FHIP1A: variants seen among roughly 807,000 people sequenced by gnomAD.
FHIP1A encodes the protein FHF complex subunit HOOK-interacting protein 1A.
A neutral mutation model predicts 88.6 loss-of-function variants in FHIP1A; 61 were observed. The ratio of observed to expected loss-of-function variants is 0.69; its 90% CI spans 0.56 to 0.85. FHIP1A has a LOEUF of 0.85. Ranked by LOEUF, FHIP1A falls within the 40% of genes least tolerant of loss-of-function variation. FHIP1A has a pLI of 0.00. For missense variants in FHIP1A, 1,154 were observed against 1,273.5 expected, an observed-to-expected ratio of 0.91 and a Z score of 1.43; for synonymous variants, 478 against 496.0, an observed-to-expected ratio of 0.96 and a Z score of 0.48.
intron 1 of FHIP1A, among the ~76,000 whole-genome samples, chr4:151,432,766 G>GT (rs1733641206): frequency 6.6e-6 from 1 of 152,148 alleles, no homozygotes; most frequent in Non-Finnish European, 1.5e-5. Context: ...TCAGAAGTGT[G>GT]TTTAGGATGG....
intron 3 of FHIP1A, among the ~76,000 whole-genome samples, chr4:151,558,024 A>G (rs772690351): frequency 7.9e-5 from 12 of 152,196 alleles, no homozygotes; most frequent in Non-Finnish European, 1.5e-4. Context: ...ATTCAGGGGT[A>G]AACAATCTTG....
intron 3 of FHIP1A, among the ~76,000 whole-genome samples, chr4:151,528,816 T>C (rs1322763229): frequency 6.6e-6 from 1 of 152,158 alleles, no homozygotes; most frequent in Non-Finnish European, 1.5e-5. Context: ...TCTTAAGAAG[T>C]GTTAGAATAA....
chr4:151,661,810 C>G (rs930259823), intron 13 of FHIP1A, among the ~76,000 whole-genome samples: 1 of 152,208 alleles, frequency 6.6e-6, no homozygotes, highest in Non-Finnish European at 1.5e-5. Flanking sequence ...TCAATATAGG[C>G]TTCTAAGCCA....
chr4:151,581,915 C>G (rs1379787200), intron 5 of FHIP1A, among the ~76,000 whole-genome samples: 2 of 152,130 alleles, frequency 1.3e-5, no homozygotes, highest in Non-Finnish European at 2.9e-5. Context: ...TGCCTCATAG[C>G]TCAAGATGTG....
At chr4:151,513,506 G>A (rs2126681012) in intron 3 of FHIP1A, among the ~76,000 whole-genome samples, 1 of 152,236 alleles carries the variant, frequency 6.6e-6, no homozygotes, top group Non-Finnish European at 1.5e-5. Context: ...ACACAGACTG[G>A]CAAATTGGAT....
At chr4:151,548,371 A>G (rs547546209) in intron 3 of FHIP1A, among the ~76,000 whole-genome samples, 1 of 152,300 alleles carries the variant, frequency 6.6e-6, no homozygotes, top group South Asian at 2.1e-4. Context: ...GGGCTGGGTA[A>G]AATAAGGCTG....
chr4:151,668,715 G>A lies in FHIP1A; in HGVS notation c.*5961G>A, dbSNP rs78311988. Among the ~76,000 whole-genome samples the A allele has an allele frequency of 6.7e-3, 1,026 of 152,288 alleles. 68 individuals are homozygous for A. The East Asian group carries it at 0.16, about 24-fold the overall frequency. On this transcript the variant is annotated 3_prime_UTR_variant, in exon 14 of 14. Coordinates refer to ENST00000435205, the MANE Select transcript of FHIP1A (RefSeq NM_001109977.3). ...CATTAATTTGTTTCATACAGTAAGCGAGCTTTTACTGAATACTCCCTCTGT... is the reference window on the plus strand; with the variant it reads ...CATTAATTTGTTTCATACAGTAAGCAAGCTTTTACTGAATACTCCCTCTGT...
intron 7 of FHIP1A, among the ~76,000 whole-genome samples, chr4:151,611,393 CA>C (rs1324660551): frequency 6.6e-6 from 1 of 151,962 alleles, no homozygotes; most frequent in Non-Finnish European, 1.5e-5. Context: ...AAAAATGAAC[CA>C]AAAAATATTT....
rs1491201547 is a variant in FHIP1A, at chr4:151,443,683, C to CTGTGTGTGTGTGTG, written c.-355-11017_-355-11016insGTGTGTGTGTGTGT. 6.9e-4 allele frequency among the ~76,000 whole-genome samples: 36 copies of CTGTGTGTGTGTGTG among 51,972 alleles called. 2 individuals are homozygous for CTGTGTGTGTGTGTG. The East Asian group carries it at 0.017, about 25-fold the overall frequency. 34.1% of individuals were successfully genotyped at this position (51,972 alleles called of 152,430 possible). A position where few individuals can be genotyped will look rare whatever the true frequency, so the allele number is the denominator to read the frequency against. ...CTGAGTGAGAATTCTAAATGAAGCACTCTGTGTGTGTGTGTGTGTGTGTGT... is the reference window on the plus strand; with the variant it reads ...CTGAGTGAGAATTCTAAATGAAGCACTGTGTGTGTGTGTGTCTGTGTGTGTGTGTGTGTGTGTGT... On this transcript the variant is annotated intron_variant, in intron 1 of 13. Coordinates refer to ENST00000435205, the MANE Select transcript of FHIP1A (RefSeq NM_001109977.3).
chr4:151,603,623 T>A (rs1005413272), intron 7 of FHIP1A, among the ~76,000 whole-genome samples: 3 of 152,182 alleles, frequency 2.0e-5, no homozygotes, highest in Non-Finnish European at 4.4e-5. Context: ...ACCTGTTGCT[T>A]CCTCAAACTT....
intron 7 of FHIP1A, among the ~76,000 whole-genome samples, chr4:151,596,641 C>T (rs1451442752): frequency 5.9e-5 from 9 of 152,148 alleles, no homozygotes; most frequent in East Asian, 1.9e-4. Flanking sequence ...TCATTATCCC[C>T]GTCACTTTCA....
At chr4:151,433,645 A>G (rs1580559044) in intron 1 of FHIP1A, among the ~76,000 whole-genome samples, 1 of 152,144 alleles carries the variant, frequency 6.6e-6, no homozygotes, top group Non-Finnish European at 1.5e-5. Context: ...GCTGTGAGAT[A>G]GATGACGGTG....
chr4:151,511,162 A>G (rs1373688943), intron 3 of FHIP1A, among the ~76,000 whole-genome samples: 1 of 152,226 alleles, frequency 6.6e-6, no homozygotes, highest in Non-Finnish European at 1.5e-5. Context: ...AATAATATGT[A>G]TTATTCAATC....
intron 3 of FHIP1A, among the ~76,000 whole-genome samples, chr4:151,552,123 A>G (rs1732760411): frequency 6.6e-6 from 1 of 152,152 alleles, no homozygotes; most frequent in South Asian, 2.1e-4. Flanking sequence ...AAAACCACGT[A>G]AGATACCATC....
At chr4:151,654,668 G>T (rs948415432) in intron 11 of FHIP1A, among the ~76,000 whole-genome samples, 2 of 152,172 alleles carry the variant, frequency 1.3e-5, no homozygotes, top group African/African-American at 4.8e-5. Flanking sequence ...CTTAAGAGTT[G>T]CCATTGACAT....
At chr4:151,522,633 C>T (rs567353973) in intron 3 of FHIP1A, among the ~76,000 whole-genome samples, 2 of 152,314 alleles carry the variant, frequency 1.3e-5, no homozygotes, top group South Asian at 4.1e-4. Flanking sequence ...AGAAGAAAAA[C>T]AAAACCCAAA....
intron 2 of FHIP1A, among the ~76,000 whole-genome samples, chr4:151,457,637 G>T (rs929415379): frequency 6.6e-6 from 1 of 152,064 alleles, no homozygotes; most frequent in African/African-American, 2.4e-5. Context: ...GAAATTAGTG[G>T]CTCCTTTCTG....
intron 1 of FHIP1A, among the ~76,000 whole-genome samples, chr4:151,443,725 T>TGTGTGTG (rs1728494739): frequency 3.8e-5 from 2 of 52,004 alleles, no homozygotes; most frequent in Admixed American, 1.9e-4. Context: ...GTGTGTGTGT[T>TGTGTGTG]TAGTACTGGG....
chr4:151,430,961 G>A (rs1217313341), intron 1 of FHIP1A, among the ~76,000 whole-genome samples: 2 of 152,120 alleles, frequency 1.3e-5, no homozygotes, highest in African/African-American at 4.8e-5. Flanking sequence ...TTGTTTTGTT[G>A]ACTACTTGCC....
Sources: gnomAD v4.1 joint callset for allele counts (sites outside exome capture counted in the v4.1 genomes callset) on GRCh38, gnomAD v4.1.1 for gene constraint, MANE v1.5 for transcripts, NCBI Gene and HGNC (gene_info 2026-07-23, HGNC 2026-07-21) for gene names.